RALYL: variants seen among roughly 807,000 people sequenced by gnomAD.
RALYL encodes RALY RNA binding protein like.
Under a neutral mutation model 35.1 loss-of-function variants are expected in RALYL, and 29 were observed. The observed-to-expected ratio is 0.83, with a 90% CI of 0.61 to 1.13. The LOEUF is 1.13. RALYL is among the 50% of genes most tolerant of loss of function. The pLI is 0.00. For synonymous variants in RALYL, 120 were observed against 127.6 expected (o/e 0.94, Z 0.40); for missense variants, 359 against 360.4 (o/e 1.00, Z 0.03).
At chr8:84,530,866 T>C (rs1156782128) in intron 2 of RALYL, among the ~76,000 whole-genome samples, 1 of 152,188 alleles carries the variant, frequency 6.6e-6, no homozygotes, top group African/African-American at 2.4e-5. Flanking sequence ...GCTGCCTTGA[T>C]AATGCCTCAA....
intron 1 of RALYL, among the ~76,000 whole-genome samples, chr8:84,507,241 T>C (rs1250451124): frequency 6.6e-6 from 1 of 152,140 alleles, no homozygotes. Flanking sequence ...TAAGTTTCTC[T>C]TTTGATTTTT....
intron 2 of RALYL, among the ~76,000 whole-genome samples, chr8:84,530,221 A>G (rs2059186113): frequency 6.6e-6 from 1 of 152,116 alleles, no homozygotes; most frequent in Non-Finnish European, 1.5e-5. Context: ...TAATGTGTAG[A>G]TAAAAATCAA....
At chr8:84,300,520 T>C (rs1840571262) in intron 1 of RALYL, among the ~76,000 whole-genome samples, 1 of 152,032 alleles carries the variant, frequency 6.6e-6, no homozygotes, top group Non-Finnish European at 1.5e-5. Flanking sequence ...GGGGATCTAA[T>C]AATACTGTTA....
At chr8:84,660,076 G>A (rs376851000) in intron 2 of RALYL, among the ~76,000 whole-genome samples, 159 of 152,130 alleles carry the variant, frequency 1.0e-3, no homozygotes, top group Middle Eastern at 3.4e-3. Context: ...TTGGTAGGTG[G>A]TTACATTTGA....
chr8:84,804,303 G>T (rs969092588), intron 3 of RALYL, among the ~76,000 whole-genome samples: 8 of 152,142 alleles, frequency 5.3e-5, no homozygotes, highest in East Asian at 3.9e-4. Flanking sequence ...ACCCTAAGGG[G>T]TGTTAAGACC....
intron 1 of RALYL, among the ~76,000 whole-genome samples, chr8:84,509,233 G>A (rs966232411): frequency 6.6e-6 from 1 of 152,102 alleles, no homozygotes; most frequent in Non-Finnish European, 1.5e-5. Flanking sequence ...TTGCTGGGTA[G>A]CAATTTTTTT....
intron 2 of RALYL, among the ~76,000 whole-genome samples, chr8:84,637,637 A>C (rs1329210071): frequency 1.3e-5 from 2 of 151,852 alleles, no homozygotes; most frequent in African/African-American, 4.8e-5. Context: ...AGTGGAAGGC[A>C]TGAGGGAAAG....
chr8:84,905,020 T>C (rs1563841865), intron 8 of RALYL, among the ~76,000 whole-genome samples: 1 of 152,192 alleles, frequency 6.6e-6, no homozygotes, highest in Non-Finnish European at 1.5e-5. Context: ...GACTATGCAA[T>C]GTTGTACAGC....
At chr8:84,639,585 G>A (rs1029016401) in intron 2 of RALYL, among the ~76,000 whole-genome samples, 14 of 151,962 alleles carry the variant, frequency 9.2e-5, no homozygotes, top group South Asian at 2.1e-4. Flanking sequence ...TCTGCTGGGG[G>A]ACTTAGAATT....
chr8:84,919,631 A>G (rs981457493), intron 8 of RALYL, among the ~76,000 whole-genome samples: 9 of 152,096 alleles, frequency 5.9e-5, no homozygotes, highest in Admixed American at 2.0e-4. Flanking sequence ...GAGAGGGAAG[A>G]GAAAAGGAAA....
chr8:84,799,786 C>G (rs1160614440), intron 3 of RALYL, among the ~76,000 whole-genome samples: 6 of 152,144 alleles, frequency 3.9e-5, no homozygotes, highest in Non-Finnish European at 7.3e-5. Context: ...GAAACCCCGT[C>G]TCTACTAAAA....
At chr8:84,837,387 T>C (rs1832241493) in intron 4 of RALYL, among the ~76,000 whole-genome samples, 1 of 152,192 alleles carries the variant, frequency 6.6e-6, no homozygotes, top group South Asian at 2.1e-4. Flanking sequence ...GCAAGATGTT[T>C]GCTAAGAACA....
intron 4 of RALYL, among the ~76,000 whole-genome samples, chr8:84,844,687 C>T (rs1252919200): frequency 6.6e-6 from 1 of 152,052 alleles, no homozygotes; most frequent in East Asian, 1.9e-4. Flanking sequence ...TATTGCAGCA[C>T]TATTCACAAT....
chr8:84,424,799 A>G (rs1180059790), intron 1 of RALYL, among the ~76,000 whole-genome samples: 35 of 152,038 alleles, frequency 2.3e-4, no homozygotes, highest in South Asian at 6.2e-4. Flanking sequence ...GTCTGTTGGA[A>G]TACCCTGCTG....
intron 8 of RALYL, among the ~76,000 whole-genome samples, chr8:84,907,513 A>C (rs1328829265): frequency 1.3e-5 from 2 of 152,112 alleles, no homozygotes; most frequent in Non-Finnish European, 2.9e-5. Context: ...GCTATTTCAC[A>C]AATAACTGAT....
At chr8:84,218,848 A>G (rs1821485783) in intron 1 of RALYL, among the ~76,000 whole-genome samples, 1 of 152,108 alleles carries the variant, frequency 6.6e-6, no homozygotes, top group Admixed American at 6.6e-5. Context: ...AATGACTCCC[A>G]TGAAGGAACA....
intron 2 of RALYL, among the ~76,000 whole-genome samples, chr8:84,683,323 T>A (rs1199647192): frequency 1.3e-5 from 2 of 152,012 alleles, no homozygotes; most frequent in Non-Finnish European, 2.9e-5. Context: ...ATTCTGTTGA[T>A]TTGGGGTGGA....
At chr8:84,420,076 G>A (rs1055017285) in intron 1 of RALYL, among the ~76,000 whole-genome samples, 2 of 151,528 alleles carry the variant, frequency 1.3e-5, no homozygotes, top group African/African-American at 2.4e-5. Flanking sequence ...TGGGATGGCT[G>A]GGTCAAATGG....
At chr8:84,228,188 T>C (rs947316247) in intron 1 of RALYL, among the ~76,000 whole-genome samples, 7 of 144,826 alleles carry the variant, frequency 4.8e-5, no homozygotes, top group Non-Finnish European at 9.0e-5. Context: ...GTGATTGTGG[T>C]AGTTAATGTT....
Sources: gnomAD v4.1 joint callset for allele counts (sites outside exome capture counted in the v4.1 genomes callset) on GRCh38, gnomAD v4.1.1 for gene constraint, MANE v1.5 for transcripts, NCBI Gene and HGNC (gene_info 2026-07-23, HGNC 2026-07-21) for gene names.